The following ANKRD11 variants were observed in gnomAD, a reference collection of about 807,000 sequenced individuals.
ANKRD11 encodes ankyrin repeat domain 11, also known as ankyrin repeat domain-containing protein 11.
In ANKRD11, 17 loss-of-function variants were observed where a neutral mutation model predicts 195.7. The observed-to-expected ratio is 0.09, with a 90% CI of 0.06 to 0.13. The LOEUF is 0.13. Among genes scored for constraint, ANKRD11 ranks in the 10% least tolerant of loss-of-function variants. ANKRD11 has a pLI of 1.00. For synonymous variants in ANKRD11, 1,953 were observed against 1,528.1 expected (o/e 1.28, Z -6.49); for missense variants, 3,735 against 3,566.1 (o/e 1.05, Z -1.21).
At position 89,279,756 on chromosome 16, in the gene ANKRD11, G is replaced by A. The variant is rs768698196; in HGVS notation, c.6786C>T (p.Gly2262=). Residue 2262 remains glycine, a synonymous_variant, in exon 9 of 13, where the codon GGC becomes GGT. Transcript: ENST00000301030. The surrounding 1 kb of genome is among the most constrained non-coding windows in gnomAD (Gnocchi z 5.6). ...GSGDQGAEAE[G]PPAASLCAPD... ...GGGCACAGAGGGACGCGGCGGGGGG[G>A]CCTTCAGCCTCAGCCCCCTGGTCTC... 3.9e-6 allele frequency: 6 copies of A among 1,523,702 alleles called. No individual in the cohort carries two copies. Among genetic ancestry groups the A allele is most frequent in the Middle Eastern group, 2.0e-4 (1 of 5,122 alleles). 94.4% of individuals were successfully genotyped at this position (1,523,702 alleles called of 1,614,324 possible).
At chr16:89,355,565 G>A (rs1017844823) in intron 2 of ANKRD11, among the ~76,000 whole-genome samples, 2 of 152,088 alleles carry the variant, frequency 1.3e-5, no homozygotes, top group South Asian at 4.1e-4. Flanking sequence ...AGCAGGGACG[G>A]CCCCAGACAT....
rs543647741 is a variant in ANKRD11, at chr16:89,285,934, A to G, written c.892+105T>C. On this transcript the variant is annotated intron_variant, in intron 8 of 12. Coordinates refer to ENST00000301030, the MANE Select transcript of ANKRD11 (RefSeq NM_013275.6). The surrounding 1 kb of genome is among the most constrained non-coding windows in gnomAD (Gnocchi z 5.6). ...CCAGAAGCTCCTGTAAGCCCCCAGC[A>G]TCCGAGGAGGAGCTGATCAGAGGGG... is the stretch of plus-strand genomic sequence containing the variant. 6.8e-5 allele frequency: 106 copies of G among 1,567,350 alleles called. 2 individuals carry two copies. The South Asian group carries it at 1.2e-3, about 17-fold the overall frequency.
intron 1 of ANKRD11, among the ~76,000 whole-genome samples, chr16:89,444,899 G>T (rs1435161594): frequency 6.6e-6 from 1 of 152,166 alleles, no homozygotes; most frequent in Admixed American, 6.5e-5. Flanking sequence ...TAAGCTCAGG[G>T]AACCACCACC....
At chr16:89,380,232 C>A (rs1302058540) in intron 2 of ANKRD11, among the ~76,000 whole-genome samples, 1 of 152,104 alleles carries the variant, frequency 6.6e-6, no homozygotes, top group Non-Finnish European at 1.5e-5. Flanking sequence ...CCTGTCTCTG[C>A]CCCCCGAGTA....
intron 9 of ANKRD11, among the ~76,000 whole-genome samples, chr16:89,276,352 T>C (rs1366051658): frequency 6.6e-6 from 1 of 152,132 alleles, no homozygotes; most frequent in African/African-American, 2.4e-5. Context: ...GCATGGACAA[T>C]GGGCTGAGAG....
At chr16:89,317,130 C>A (rs2037008311) in intron 2 of ANKRD11, 52 bp from the exon 3 acceptor site, 22 of 1,171,350 alleles carry the variant, frequency 1.9e-5, no homozygotes, top group Non-Finnish European at 2.7e-5. Flanking sequence ...GCTCAAAACT[C>A]ATCCACTCTC....
At chr16:89,333,945 T>C (rs1009406805) in intron 2 of ANKRD11, among the ~76,000 whole-genome samples, 5 of 151,790 alleles carry the variant, frequency 3.3e-5, no homozygotes, top group African/African-American at 1.2e-4. Flanking sequence ...GTCAGGACAA[T>C]TCAAATGCTG....
chr16:89,280,794 G>A lies in ANKRD11; in HGVS notation c.5748C>T (p.Asp1916=), dbSNP rs147093946. 8 of 1,609,678 alleles carry A rather than the reference G, an allele frequency of 5.0e-6. No individual in the cohort carries two copies. The highest frequency in any genetic ancestry group is 6.8e-6 in the Non-Finnish European group (8 of 1,176,750). The change falls in exon 9 of 13, where the codon GAC becomes GAT. Residue 1916 remains aspartate, a synonymous_variant. Coordinates refer to ENST00000301030, the MANE Select transcript of ANKRD11 (RefSeq NM_013275.6). ...GGATGATGGCGGCCGTCGCCTGCTG[G>A]TCCTCGGAGGTGTCCAGGTCCGGGG... ...ALPPDLDTSE[D]QQATAAIIPP... is the part of the protein sequence containing the mutation.
rs148141196 is a variant in ANKRD11, at chr16:89,283,416, G to A, written c.3126C>T (p.Ile1042=). The A allele has an allele frequency of 1.2e-6, 2 of 1,613,938 alleles. No homozygotes were observed. The highest frequency in any genetic ancestry group is 1.1e-5 in the South Asian group (1 of 91,076). Residue 1042 remains isoleucine, a synonymous_variant, in exon 9 of 13, where the codon ATC becomes ATT. Coordinates refer to ENST00000301030, the MANE Select transcript of ANKRD11 (RefSeq NM_013275.6). The surrounding 1 kb of genome is among the most constrained non-coding windows in gnomAD (Gnocchi z 4.3). The part of the protein sequence containing the change: ...SSDKDKSEKS[I]LEKCQKDKEF... ...CTTTGTCCTTCTGACATTTTTCCAGGATTGATTTCTCACTTTTGTCCTTGT... is the reference window on the plus strand; with the variant it reads ...CTTTGTCCTTCTGACATTTTTCCAGAATTGATTTCTCACTTTTGTCCTTGT...
At chr16:89,335,151 T>C (rs905763352) in intron 2 of ANKRD11, among the ~76,000 whole-genome samples, 2 of 152,196 alleles carry the variant, frequency 1.3e-5, no homozygotes, top group Non-Finnish European at 2.9e-5. Context: ...ATGTCCGGCC[T>C]GTGGGGGCAC....
intron 1 of ANKRD11, among the ~76,000 whole-genome samples, chr16:89,441,694 G>T (rs1247984719): frequency 7.0e-6 from 1 of 143,224 alleles, no homozygotes; most frequent in Non-Finnish European, 1.5e-5. Flanking sequence ...ATGAACCCAG[G>T]AGGCGGACTA....
chr16:89,432,069 A>G (rs932276303), intron 1 of ANKRD11, among the ~76,000 whole-genome samples: 27 of 152,124 alleles, frequency 1.8e-4, no homozygotes, highest in African/African-American at 6.3e-4. Context: ...CTACATCATC[A>G]TAACAACTTA....
intron 2 of ANKRD11, among the ~76,000 whole-genome samples, chr16:89,415,071 C>A (rs1465036293): frequency 6.6e-6 from 1 of 151,810 alleles, no homozygotes; most frequent in South Asian, 2.1e-4. Flanking sequence ...CGCTCAGCCT[C>A]CCCAAGTAGC....
chr16:89,272,733 C>T (rs2033273520), intron 11 of ANKRD11: 2 of 152,124 alleles, frequency 1.3e-5, no homozygotes, highest in Admixed American at 1.3e-4. Context: ...AACGCAACCC[C>T]ATTTACTATA....
At chr16:89,407,085 C>G (rs558683918) in intron 2 of ANKRD11, among the ~76,000 whole-genome samples, 50 of 151,748 alleles carry the variant, frequency 3.3e-4, no homozygotes, top group South Asian at 6.2e-4. Context: ...ACTCGGGAGG[C>G]TGAGGCTGGT....
chr16:89,340,777 C>G (rs1042113427), intron 2 of ANKRD11, among the ~76,000 whole-genome samples: 4 of 152,148 alleles, frequency 2.6e-5, no homozygotes, highest in African/African-American at 9.7e-5. Flanking sequence ...GCACAAGGGC[C>G]CAGAGAGCTC....
chr16:89,383,223 A>G (rs2040742643), intron 2 of ANKRD11, among the ~76,000 whole-genome samples: 1 of 152,204 alleles, frequency 6.6e-6, no homozygotes, highest in South Asian at 2.1e-4. Context: ...AGGAGCCACA[A>G]GAGCAAAGTG....
rs145838870 is a variant in ANKRD11, at chr16:89,394,606, C to T, written c.-60+23678G>A. ...TCGCACCACTGCACTCCAGCCTGGG[C>T]GACAAAAGCAAAACTCTGTCTCCAA... On this transcript the variant is annotated intron_variant, in intron 2 of 12. Coordinates refer to ENST00000301030, the MANE Select transcript of ANKRD11 (RefSeq NM_013275.6). Among the ~76,000 whole-genome samples, 475 of 148,924 alleles carry T rather than the reference C, an allele frequency of 3.2e-3. 2 individuals carry two copies. The highest frequency in any genetic ancestry group is 0.011 in the African/African-American group (437 of 40,244).
At chr16:89,334,052 C>T (rs1316095825) in intron 2 of ANKRD11, among the ~76,000 whole-genome samples, 2 of 147,502 alleles carry the variant, frequency 1.4e-5, no homozygotes, top group African/African-American at 2.5e-5. Context: ...TGGCTCAAGC[C>T]TGTAAAACAA....
Sources: gnomAD v4.1 joint callset for allele counts (sites outside exome capture counted in the v4.1 genomes callset) on GRCh38, gnomAD v4.1.1 for gene constraint, Gnocchi (gnomAD v3.1) non-coding constraint, MANE v1.5 for transcripts, NCBI Gene and HGNC (gene_info 2026-07-23, HGNC 2026-07-21) for gene names.